Variants in CDKAL1 observed in about 807,000 individuals in gnomAD.
The protein encoded by CDKAL1 is CDKAL1 threonylcarbamoyladenosine tRNA methylthiotransferase.
In CDKAL1, 32 loss-of-function variants were observed where a neutral mutation model predicts 68.2. That is an observed-to-expected ratio of 0.47 (90% CI 0.35 to 0.63). The LOEUF (loss-of-function observed/expected upper bound fraction) is 0.63. Ranked by LOEUF, CDKAL1 falls within the 30% of genes least tolerant of loss-of-function variation. The pLI is 0.00. For synonymous variants in CDKAL1, 234 were observed against 244.3 expected, an observed-to-expected ratio of 0.96 and a Z score of 0.39; for missense variants, 606 against 696.7, an observed-to-expected ratio of 0.87 and a Z score of 1.47.
At chr6:20,915,921 C>G (rs1762704469) in intron 9 of CDKAL1, among the ~76,000 whole-genome samples, 1 of 151,648 alleles carries the variant, frequency 6.6e-6, no homozygotes, top group African/African-American at 2.4e-5. Flanking sequence ...ATCTCAAGAT[C>G]CAATTATGTT....
intron 13 of CDKAL1, among the ~76,000 whole-genome samples, chr6:21,143,500 T>G (rs960760302): frequency 6.6e-6 from 1 of 152,222 alleles, no homozygotes; most frequent in Admixed American, 6.5e-5. Flanking sequence ...GCTTAGTTTT[T>G]GTTTTCAAAC....
At chr6:20,692,913 TGAG>T (rs1307161198) in intron 5 of CDKAL1, among the ~76,000 whole-genome samples, 1 of 151,524 alleles carries the variant, frequency 6.6e-6, no homozygotes, top group Non-Finnish European at 1.5e-5. Context: ...GATCACGACG[TGAG>T]GAGATCGAGA....
At chr6:20,744,466 C>T (rs976624269) in intron 6 of CDKAL1, among the ~76,000 whole-genome samples, 4 of 152,114 alleles carry the variant, frequency 2.6e-5, no homozygotes, top group South Asian at 4.1e-4. Context: ...TATATAAAAT[C>T]GTCCCAGATC....
intron 12 of CDKAL1, among the ~76,000 whole-genome samples, chr6:21,084,068 A>G (rs892003416): frequency 6.6e-6 from 1 of 152,170 alleles, no homozygotes; most frequent in Non-Finnish European, 1.5e-5. Context: ...TGTAATCCCA[A>G]GTATTGAATA....
chr6:20,701,454 G>A (rs138693900), intron 5 of CDKAL1, among the ~76,000 whole-genome samples: 201 of 152,252 alleles, frequency 1.3e-3, no homozygotes, highest in African/African-American at 4.5e-3. Flanking sequence ...ATCATTCCCT[G>A]TTGTACTTTC....
chr6:20,830,880 T>A (rs192854103), intron 8 of CDKAL1, among the ~76,000 whole-genome samples: 32 of 152,284 alleles, frequency 2.1e-4, no homozygotes, highest in African/African-American at 7.5e-4. Context: ...ATTTCTTACA[T>A]GTAAAATGAA....
At chr6:20,944,888 T>C (rs2150705090) in intron 9 of CDKAL1, among the ~76,000 whole-genome samples, 1 of 152,350 alleles carries the variant, frequency 6.6e-6, no homozygotes, top group East Asian at 1.9e-4. Flanking sequence ...ATTGAAGATG[T>C]AGCTGGTTAT....
intron 9 of CDKAL1, among the ~76,000 whole-genome samples, chr6:20,868,811 A>G (rs1488454114): frequency 6.6e-6 from 1 of 152,218 alleles, no homozygotes; most frequent in Non-Finnish European, 1.5e-5. Flanking sequence ...AGAAGTGACT[A>G]GAGTGCTGAG....
intron 12 of CDKAL1, among the ~76,000 whole-genome samples, chr6:21,104,709 T>C (rs1773761999): frequency 6.6e-6 from 1 of 152,212 alleles, no homozygotes; most frequent in Non-Finnish European, 1.5e-5. Context: ...AGTATTTGTA[T>C]ATAATAAATT....
intron 8 of CDKAL1, among the ~76,000 whole-genome samples, chr6:20,820,416 T>A (rs1470371575): frequency 5.9e-5 from 9 of 152,126 alleles, no homozygotes; most frequent in Admixed American, 5.9e-4. Flanking sequence ...GTTAAGGACT[T>A]ATATTATTCT....
chr6:20,576,075 T>C (rs1031702722), intron 4 of CDKAL1, among the ~76,000 whole-genome samples: 4 of 152,230 alleles, frequency 2.6e-5, no homozygotes, highest in African/African-American at 9.6e-5. Context: ...ATTTATCTTT[T>C]ATATTGTATT....
At chr6:20,622,604 T>G (rs980609470) in intron 4 of CDKAL1, among the ~76,000 whole-genome samples, 23 of 152,222 alleles carry the variant, frequency 1.5e-4, no homozygotes, top group African/African-American at 5.3e-4. Flanking sequence ...ACTGTTGATG[T>G]TGTTCTTTGC....
intron 12 of CDKAL1, among the ~76,000 whole-genome samples, chr6:21,084,514 C>G (rs1772590683): frequency 6.6e-6 from 1 of 152,086 alleles, no homozygotes; most frequent in Non-Finnish European, 1.5e-5. Flanking sequence ...ACTATTTTTC[C>G]TGAAGTACTA....
rs546461557 is a variant in CDKAL1 at position 20,969,065 on chromosome 6, A to G, written c.909+13480A>G. ...CAGCTCTGGAAATCGGATTCTTCTC[A>G]CTCCCTACAGTTTGTTGTTGTTATT... On this transcript the variant is annotated intron_variant, in intron 10 of 15. Transcript: ENST00000274695. Among the ~76,000 whole-genome samples, 22 of 151,820 alleles carry G rather than the reference A, an allele frequency of 1.4e-4. No individual in the cohort carries two copies. In the East Asian group the frequency reaches 4.1e-3, roughly 28 times the overall value.
intron 9 of CDKAL1, among the ~76,000 whole-genome samples, chr6:20,914,116 C>A (rs959984155): frequency 6.6e-6 from 1 of 151,838 alleles, no homozygotes; most frequent in Non-Finnish European, 1.5e-5. Context: ...AGTGAAACCC[C>A]GTCTCTACTA....
chr6:20,817,975 A>C (rs1020286599), intron 8 of CDKAL1, among the ~76,000 whole-genome samples: 2 of 151,982 alleles, frequency 1.3e-5, no homozygotes, highest in Non-Finnish European at 2.9e-5. Flanking sequence ...GGCCACTACT[A>C]TTTCTTGAGC....
At chr6:21,082,922 G>A (rs1019931648) in intron 12 of CDKAL1, among the ~76,000 whole-genome samples, 1 of 142,742 alleles carries the variant, frequency 7.0e-6, no homozygotes, top group African/African-American at 2.6e-5. Context: ...TGCCCAGGCT[G>A]GAGTGCAGCG....
chr6:21,126,357 G>A (rs923395845), intron 13 of CDKAL1, among the ~76,000 whole-genome samples: 39 of 152,184 alleles, frequency 2.6e-4, no homozygotes, highest in Non-Finnish European at 4.0e-4. Flanking sequence ...ATCAGCTGGG[G>A]TGCTTTAAGA....
chr6:20,537,600 C>T (rs1170749459), intron 2 of CDKAL1, among the ~76,000 whole-genome samples: 4 of 139,018 alleles, frequency 2.9e-5, no homozygotes, highest in Admixed American at 7.2e-5. Flanking sequence ...GAGTGAAACT[C>T]TGTCTCATAA....
Sources: gnomAD v4.1 joint callset for allele counts (sites outside exome capture counted in the v4.1 genomes callset) on GRCh38, gnomAD v4.1.1 for gene constraint, MANE v1.5 for transcripts, NCBI Gene and HGNC (gene_info 2026-07-23, HGNC 2026-07-21) for gene names.